CFAP70: variants seen among roughly 807,000 people sequenced by gnomAD.
CFAP70 encodes the protein cilia and flagella associated protein 70, also known as cilia- and flagella-associated protein 70.
CFAP70 carries 81 observed loss-of-function variants against 137.6 expected under a neutral mutation model. That is an observed-to-expected ratio of 0.59 (90% CI 0.49 to 0.71). The LOEUF (loss-of-function observed/expected upper bound fraction) is 0.71, where lower values mean the gene tolerates loss of function less well. Ranked by LOEUF, CFAP70 falls within the 30% of genes least tolerant of loss-of-function variation. CFAP70 has a pLI of 0.00. For missense variants in CFAP70, 976 were observed against 1,226.7 expected, an observed-to-expected ratio of 0.80 and a Z score of 3.05; for synonymous variants, 382 against 423.6, an observed-to-expected ratio of 0.90 and a Z score of 1.20.
rs1398113273 is a variant in CFAP70 at position 73,323,060 on chromosome 10, G to A, written c.815C>T (p.Ala272Val). 2.5e-6 allele frequency: 4 copies of A among 1,612,418 alleles called. No individual in the cohort carries two copies. In the African/African-American group the frequency reaches 4.0e-5, roughly 16 times the overall value. Residue 272 changes from alanine to valine, a missense_variant, in exon 9 of 27, where the codon GCT becomes GTT. Physicochemically the swap from Ala to Val is moderately conservative, Grantham distance 64. Coordinates refer to ENST00000310715, the Ensembl canonical transcript of CFAP70. ...CAACAATGGGACCATATTAACATAA[G>A]CCACACCATGAAACGAAAGCTGAGC...
chr10:73,334,172 T>C (rs1038139696), intron 7 of CFAP70, among the ~76,000 whole-genome samples: 1 of 152,216 alleles, frequency 6.6e-6, no homozygotes, highest in Admixed American at 6.5e-5. Flanking sequence ...ACCAGGTCAC[T>C]GTGATGAAGA....
chr10:73,317,535 A>G (rs1339195858), intron 9 of CFAP70, among the ~76,000 whole-genome samples: 1 of 152,020 alleles, frequency 6.6e-6, no homozygotes, highest in African/African-American at 2.4e-5. Context: ...TATAATGTGT[A>G]TATTTTGGGT....
intron 15 of CFAP70, 122 bp from the exon 17 acceptor site, chr10:73,293,510 A>G (rs771656830): frequency 9.7e-6 from 8 of 821,554 alleles, no homozygotes; most frequent in Non-Finnish European, 1.4e-5. Context: ...ATTGATGTCT[A>G]TAATGACAGT....
intron 26 of CFAP70, among the ~76,000 whole-genome samples, chr10:73,255,261 T>C (rs2044363272): frequency 6.6e-6 from 1 of 152,020 alleles, no homozygotes. Flanking sequence ...CTGGGGGCAG[T>C]GGCGGGCGGC....
chr10:73,296,135 T>C (rs1023219432), intron 15 of CFAP70: 6 of 152,240 alleles, frequency 3.9e-5, no homozygotes, highest in African/African-American at 1.4e-4. Flanking sequence ...TCATCCTCCA[T>C]AGTGCTATCA....
At chr10:73,352,380 C>T (rs1017579466) in intron 3 of CFAP70, among the ~76,000 whole-genome samples, 25 of 152,088 alleles carry the variant, frequency 1.6e-4, no homozygotes, top group African/African-American at 4.1e-4. Context: ...GGCTGGAGTA[C>T]GGGAATTACT....
intron 7 of CFAP70, among the ~76,000 whole-genome samples, chr10:73,333,898 G>T (rs1397176721): frequency 6.6e-6 from 1 of 152,020 alleles, no homozygotes; most frequent in South Asian, 2.1e-4. Flanking sequence ...ATTTGTTCAA[G>T]GTAATAATGG....
At chr10:73,255,603 G>C (rs574652682) in intron 26 of CFAP70, among the ~76,000 whole-genome samples, 1 of 151,974 alleles carries the variant, frequency 6.6e-6, no homozygotes, top group East Asian at 2.0e-4. Context: ...GGTTGTTCAT[G>C]AGCCAATCCA....
chr10:73,321,367 G>A (rs1052686200), intron 9 of CFAP70, among the ~76,000 whole-genome samples: 2 of 152,126 alleles, frequency 1.3e-5, no homozygotes, highest in Admixed American at 6.5e-5. Flanking sequence ...GCAGTAAGCC[G>A]AGATCACGCC....
chr10:73,262,152 C>A (rs1235874272), intron 25 of CFAP70, among the ~76,000 whole-genome samples: 2 of 150,282 alleles, frequency 1.3e-5, no homozygotes, highest in Non-Finnish European at 3.0e-5. Flanking sequence ...TTCACTTACC[C>A]AAGATCAACC....
rs547226854 is a variant in CFAP70 at position 73,335,060 on chromosome 10, C to CTT, written c.677+368_677+369dup. ...TGCACCAAACTAATTTCTTCTTCTTCTTTTTTTTTTTTTTTTTTTTGTGAG... is the reference window on the plus strand; with the variant it reads ...TGCACCAAACTAATTTCTTCTTCTTCTTTTTTTTTTTTTTTTTTTTTTGTGAG... On this transcript the variant is annotated intron_variant, in intron 7 of 26. Transcript: ENST00000310715. 5.6e-4 allele frequency among the ~76,000 whole-genome samples: 66 copies of CTT among 118,330 alleles called. 2 individuals carry two copies. The highest frequency in any genetic ancestry group is 9.1e-4 in the African/African-American group (27 of 29,792). The allele number at this position is 118,330 out of a possible 152,430, so 77.6% of individuals were successfully genotyped here.
In CFAP70 at chr10:73,316,463, GATATATATATATATAT is replaced by G. The variant is rs56896753; in HGVS notation, c.913-3836_913-3821del. 6.5e-3 allele frequency among the ~76,000 whole-genome samples: 830 copies of G among 128,144 alleles called. 9 individuals carry two copies. The highest frequency in any genetic ancestry group is 0.023 in the African/African-American group (778 of 34,332). 84.1% of individuals were successfully genotyped at this position (128,144 alleles called of 152,430 possible). ...ATATCCCATTTAATTCCTTTGTTGA[GATATATATATATATAT>G]AGATATAGATATATATATATATATA... On this transcript the variant is annotated intron_variant, in intron 9 of 26. Coordinates refer to ENST00000310715, the Ensembl canonical transcript of CFAP70.
intron 8 of CFAP70, among the ~76,000 whole-genome samples, chr10:73,329,856 T>C (rs1299888558): frequency 2.6e-5 from 4 of 152,196 alleles, no homozygotes; most frequent in Non-Finnish European, 5.9e-5. Flanking sequence ...GTATTTATCT[T>C]GGTTCAAAAG....
intron 12 of CFAP70, among the ~76,000 whole-genome samples, chr10:73,305,188 T>C (rs2049281710): frequency 6.6e-6 from 1 of 152,182 alleles, no homozygotes; most frequent in African/African-American, 2.4e-5. Flanking sequence ...CATCTCTGTT[T>C]CTCCTAACTC....
At chr10:73,362,937 C>A (rs1292977905), upstream of CFAP70, among the ~76,000 whole-genome samples, 14 of 138,990 alleles carry the variant, frequency 1.0e-4, no homozygotes, top group African/African-American at 4.0e-4. Flanking sequence ...AACTATGCAT[C>A]TGACAAGGGG....
rs865891793 is a variant in CFAP70 at position 73,316,491 on chromosome 10, T to G, written c.913-3848A>C. On this transcript the variant is annotated intron_variant, in intron 9 of 26. Coordinates refer to ENST00000310715, the Ensembl canonical transcript of CFAP70. ...ATATATATATATATAGATATAGATA[T>G]ATATATATATATATATATATATGAC... 5.2e-3 allele frequency among the ~76,000 whole-genome samples: 605 copies of G among 116,798 alleles called. 2 individuals are homozygous for G. The highest frequency in any genetic ancestry group is 8.8e-3 in the Non-Finnish European group (500 of 57,120). 76.6% of individuals were successfully genotyped at this position (116,798 alleles called of 152,430 possible).
At chr10:73,356,657 A>G (rs2054703394) in intron 1 of CFAP70, among the ~76,000 whole-genome samples, 1 of 152,186 alleles carries the variant, frequency 6.6e-6, no homozygotes, top group Non-Finnish European at 1.5e-5. Context: ...CAGTCACCTA[A>G]AAGTGTCAAA....
At position 73,341,307 on chromosome 10, in the gene CFAP70, CAA is replaced by C. The variant is rs2053228010; in HGVS notation, c.582+90_582+91del. ...GGCATGTAAGTATTTCGACAGGTGACAAATGTATATAAATTACAGTAATTCAC... is the reference window on the plus strand; with the variant it reads ...GGCATGTAAGTATTTCGACAGGTGACATGTATATAAATTACAGTAATTCAC... On this transcript the variant is annotated intron_variant, in intron 6 of 26. Coordinates refer to ENST00000310715, the Ensembl canonical transcript of CFAP70. 7.9e-6 allele frequency: 9 copies of C among 1,143,400 alleles called. No individual in the cohort carries two copies. In the South Asian group the frequency reaches 1.3e-4, roughly 17 times the overall value. 70.8% of individuals were successfully genotyped at this position (1,143,400 alleles called of 1,614,324 possible). A position where few individuals can be genotyped will look rare whatever the true frequency, so the allele number is the denominator to read the frequency against.
exon 2 of CFAP70, chr10:73,354,793 CCAT>C: frequency 6.2e-7 from 1 of 1,613,904 alleles, no homozygotes; most frequent in Admixed American, 1.7e-5. Context: ...GGCACTTGCT[CCAT>C]ATCACCAACT....
Sources: allele counts gnomAD v4.1 joint callset (sites outside exome capture counted in the v4.1 genomes callset), GRCh38; gene constraint gnomAD v4.1.1; transcripts MANE v1.5; gene names NCBI Gene and HGNC (gene_info 2026-07-23, HGNC 2026-07-21).